The following SVIL variants were observed in gnomAD, a reference collection of about 807,000 sequenced individuals.
SVIL encodes archvillin.
In SVIL, 101 loss-of-function variants were observed where a neutral mutation model predicts 240.4. The observed-to-expected ratio is 0.42, with a 90% confidence interval of 0.36 to 0.50. The LOEUF (loss-of-function observed/expected upper bound fraction) is 0.50. Among genes scored for constraint, SVIL ranks in the 20% least tolerant of loss-of-function variants. SVIL has a pLI of 0.01. For missense variants in SVIL, 2,512 were observed against 2,818.7 expected, an observed-to-expected ratio of 0.89 and a Z score of 2.46; for synonymous variants, 999 against 1,100.0, an observed-to-expected ratio of 0.91 and a Z score of 1.82.
intron 24 of SVIL, 33 bp downstream of exon 24, chr10:29,487,130 T>C (rs1225745201): frequency 4.3e-6 from 7 of 1,610,792 alleles, no homozygotes; most frequent in Admixed American, 3.3e-5. Context: ...AAGGAGATGT[T>C]AGCTAAAGCA....
chr10:29,499,928 G>T (rs116465176), intron 17 of SVIL, among the ~76,000 whole-genome samples: 6,508 of 152,144 alleles, frequency 0.043, 461 homozygotes, highest in African/African-American at 0.15. Flanking sequence ...CATTTCTACT[G>T]AAAATGCTCT....
intron 2 of SVIL, among the ~76,000 whole-genome samples, chr10:29,674,843 C>T (rs1168650204): frequency 6.6e-6 from 1 of 152,110 alleles, no homozygotes; most frequent in Non-Finnish European, 1.5e-5. Flanking sequence ...GGCTCACGGC[C>T]CCTTCCTGCA....
rs561142431 is a variant in SVIL at position 29,592,273 on chromosome 10, A to G, written c.-200-22961T>C. ...TCTCAAAAATAGAAAGAAAGAAAAA[A>G]GGGGATTTCTCTGAAACAATGTCAC... is the stretch of plus-strand genomic sequence containing the variant. On this transcript the variant is annotated intron_variant, in intron 1 of 37. Transcript: ENST00000355867. Among the ~76,000 whole-genome samples the G allele has an allele frequency of 2.0e-5, 3 of 152,352 alleles. No homozygotes were observed. The South Asian group carries it at 6.2e-4, about 32-fold the overall frequency.
chr10:29,525,459 T>A (rs573456760), intron 13 of SVIL, among the ~76,000 whole-genome samples: 2 of 152,106 alleles, frequency 1.3e-5, no homozygotes, highest in East Asian at 3.9e-4. Context: ...ACAAAAAATA[T>A]AAAAATTAGC....
intron 1 of SVIL, among the ~76,000 whole-genome samples, chr10:29,593,364 T>C (rs1367585402): frequency 6.6e-6 from 1 of 152,132 alleles, no homozygotes; most frequent in Non-Finnish European, 1.5e-5. Flanking sequence ...TATAGGCTGG[T>C]GTCACTAAAG....
chr10:29,466,400 T>C (rs1944930892), intron 33 of SVIL, among the ~76,000 whole-genome samples: 1 of 152,178 alleles, frequency 6.6e-6, no homozygotes, highest in Non-Finnish European at 1.5e-5. Context: ...GAATTTATGA[T>C]TGTGCTGAGA....
chr10:29,677,658 C>T (rs369534709), intron 2 of SVIL, among the ~76,000 whole-genome samples: 6 of 152,116 alleles, frequency 3.9e-5, no homozygotes, highest in Admixed American at 6.5e-5. Flanking sequence ...TGGGTTCAAG[C>T]GATCCTCCAT....
chr10:29,598,478 G>T (rs1178655064), intron 1 of SVIL, among the ~76,000 whole-genome samples: 8 of 152,208 alleles, frequency 5.3e-5, no homozygotes, highest in Non-Finnish European at 5.9e-5. Flanking sequence ...GAACCTGTGG[G>T]TGTGGGACTG....
At chr10:29,590,939 G>A (rs1956367587) in intron 1 of SVIL, among the ~76,000 whole-genome samples, 2 of 152,150 alleles carry the variant, frequency 1.3e-5, no homozygotes, top group Non-Finnish European at 2.9e-5. Flanking sequence ...CCTGAAGCAA[G>A]GACATCTTTG....
At chr10:29,622,604 G>C (rs1957705373) in intron 1 of SVIL, among the ~76,000 whole-genome samples, 1 of 152,120 alleles carries the variant, frequency 6.6e-6, no homozygotes, top group Non-Finnish European at 1.5e-5. Context: ...TCACAGCCCT[G>C]GTTCCCAGAG....
chr10:29,486,706 T>C, intron 24 of SVIL, 149 bp from the exon 25 acceptor site: 1 of 806,224 alleles, frequency 1.2e-6, no homozygotes, highest in Non-Finnish European at 1.9e-6. Flanking sequence ...CTGGGTATTT[T>C]CAATGACCTC....
intron 1 of SVIL, chr10:29,602,335 T>C (rs375897437): frequency 1.9e-6 from 1 of 528,276 alleles, no homozygotes; most frequent in South Asian, 1.4e-5. Flanking sequence ...TAAGGGCACA[T>C]GGTACACCTT....
intron 6 of SVIL, among the ~76,000 whole-genome samples, chr10:29,547,381 A>T (rs189791137): frequency 1.3e-5 from 2 of 151,720 alleles, no homozygotes; most frequent in Non-Finnish European, 2.9e-5. Context: ...ATAGAATTGT[A>T]TACCTTTAAT....
chr10:29,538,009 C>T (rs569541771), intron 6 of SVIL, among the ~76,000 whole-genome samples: 2 of 152,314 alleles, frequency 1.3e-5, no homozygotes, highest in African/African-American at 2.4e-5. Context: ...TTTGGCGCAT[C>T]GCCTGCAGCC....
intron 35 of SVIL, 28 bp from the exon 36 acceptor site, chr10:29,462,429 T>C (rs750921026): frequency 3.1e-6 from 5 of 1,611,882 alleles, no homozygotes; most frequent in Non-Finnish European, 3.4e-6. Context: ...GCAATGTCAG[T>C]AGACCCCAGG....
chr10:29,639,032 T>G (rs1041727811), upstream of SVIL, among the ~76,000 whole-genome samples: 1 of 152,198 alleles, frequency 6.6e-6, no homozygotes, highest in African/African-American at 2.4e-5. Context: ...TGGGCTTATG[T>G]GATCCTCCTG....
At chr10:29,503,989 G>A in intron 17 of SVIL, among the ~76,000 whole-genome samples, 1 of 152,170 alleles carries the variant, frequency 6.6e-6, no homozygotes, top group Non-Finnish European at 1.5e-5. Flanking sequence ...TGGTATTGAT[G>A]AAAGAACAGT....
intron 1 of SVIL, among the ~76,000 whole-genome samples, chr10:29,589,247 A>G (rs1956291923): frequency 6.6e-6 from 1 of 150,568 alleles, no homozygotes; most frequent in Non-Finnish European, 1.5e-5. Flanking sequence ...ATGCCGCCCT[A>G]TCACATCATC....
chr10:29,564,623 C>A (rs985802403), intron 2 of SVIL, among the ~76,000 whole-genome samples: 35 of 151,974 alleles, frequency 2.3e-4, no homozygotes, highest in African/African-American at 8.5e-4. Context: ...ATAACCTCTA[C>A]CCCCTGTAAA....
Sources: gnomAD v4.1 joint callset for allele counts (sites outside exome capture counted in the v4.1 genomes callset) on GRCh38, gnomAD v4.1.1 for gene constraint, MANE v1.5 for transcripts, NCBI Gene and HGNC (gene_info 2026-07-23, HGNC 2026-07-21) for gene names.